The following IMMP2L variants were observed in gnomAD, a reference collection of about 807,000 sequenced individuals.
IMMP2L encodes the protein inner mitochondrial membrane peptidase subunit 2, also known as mitochondrial inner membrane protease subunit 2.
IMMP2L carries 18 observed loss-of-function variants against 19.3 expected under a neutral mutation model. The observed-to-expected ratio is 0.93, with a 90% confidence interval of 0.64 to 1.38. IMMP2L has a LOEUF of 1.38. IMMP2L is among the 40% of genes most tolerant of loss of function. The pLI, the probability that IMMP2L is intolerant of heterozygous loss-of-function variation, is 0.00. For synonymous variants in IMMP2L, 76 were observed against 73.0 expected, an observed-to-expected ratio of 1.04 and a Z score of -0.21; for missense variants, 233 against 218.2, an observed-to-expected ratio of 1.07 and a Z score of -0.43.
At chr7:111,273,506 C>T (rs1333797771) in intron 3 of IMMP2L, among the ~76,000 whole-genome samples, 1 of 151,802 alleles carries the variant, frequency 6.6e-6, no homozygotes, top group Non-Finnish European at 1.5e-5. Context: ...AGGAAGTGGC[C>T]GGATATAGAA....
intron 3 of IMMP2L, among the ~76,000 whole-genome samples, chr7:111,389,418 T>C (rs1832115539): frequency 6.6e-6 from 1 of 152,184 alleles, no homozygotes; most frequent in Non-Finnish European, 1.5e-5. Context: ...TCAATACTAG[T>C]TTCCTATTTT....
At chr7:111,115,770 C>G (rs890045985) in intron 3 of IMMP2L, among the ~76,000 whole-genome samples, 3 of 152,100 alleles carry the variant, frequency 2.0e-5, no homozygotes, top group Non-Finnish European at 4.4e-5. Flanking sequence ...CAGGTTCCAG[C>G]GATTCTCGTG....
chr7:111,517,638 C>T (rs748019036), intron 2 of IMMP2L, among the ~76,000 whole-genome samples: 12 of 152,094 alleles, frequency 7.9e-5, no homozygotes, highest in Non-Finnish European at 1.3e-4. Context: ...CACCCTTTTA[C>T]GCTAAAAGCC....
intron 3 of IMMP2L, among the ~76,000 whole-genome samples, chr7:111,286,310 G>A (rs557371185): frequency 2.0e-5 from 3 of 152,154 alleles, no homozygotes; most frequent in South Asian, 4.2e-4. Context: ...TTCTCCTATG[G>A]TTGTTCATAA....
At chr7:111,378,941 T>C (rs1830940233) in intron 3 of IMMP2L, among the ~76,000 whole-genome samples, 2 of 151,810 alleles carry the variant, frequency 1.3e-5, no homozygotes, top group Non-Finnish European at 2.9e-5. Context: ...AGGTATACAA[T>C]TCCATAAGAA....
At chr7:111,330,018 C>T (rs1365508057) in intron 3 of IMMP2L, among the ~76,000 whole-genome samples, 2 of 151,628 alleles carry the variant, frequency 1.3e-5, no homozygotes, top group Non-Finnish European at 2.9e-5. Flanking sequence ...CCATAACACT[C>T]AAAACTAATA....
chr7:111,507,728 T>A (rs1002380591), intron 2 of IMMP2L, among the ~76,000 whole-genome samples: 6 of 152,176 alleles, frequency 3.9e-5, no homozygotes, highest in Non-Finnish European at 7.4e-5. Flanking sequence ...CAAAACTATA[T>A]GTCTAAAAAG....
chr7:110,682,564 T>C (rs1792800953), intron 5 of IMMP2L, among the ~76,000 whole-genome samples: 1 of 151,922 alleles, frequency 6.6e-6, no homozygotes. Context: ...AAGAACAAGG[T>C]GATGGGGGGA....
chr7:110,664,239 A>C (rs1400939233), intron 5 of IMMP2L, among the ~76,000 whole-genome samples: 1 of 152,036 alleles, frequency 6.6e-6, no homozygotes, highest in Non-Finnish European at 1.5e-5. Context: ...AGTCCTAAAA[A>C]ATATATATAT....
intron 3 of IMMP2L, among the ~76,000 whole-genome samples, chr7:111,267,673 TA>T (rs1357194407): frequency 3.3e-5 from 5 of 152,184 alleles, no homozygotes; most frequent in Non-Finnish European, 7.3e-5. Flanking sequence ...ATAGACTTAA[TA>T]GGGGTAATAT....
chr7:111,196,508 T>C (rs1375130722), intron 3 of IMMP2L, among the ~76,000 whole-genome samples: 1 of 152,176 alleles, frequency 6.6e-6, no homozygotes, highest in African/African-American at 2.4e-5. Flanking sequence ...AAAAAGATTA[T>C]GGAGGACACT....
intron 5 of IMMP2L, among the ~76,000 whole-genome samples, chr7:110,810,433 G>A (rs1801959502): frequency 6.6e-6 from 1 of 151,952 alleles, no homozygotes; most frequent in South Asian, 2.1e-4. Flanking sequence ...AATATACTGG[G>A]GGCATAAGAC....
At chr7:111,218,158 T>G (rs1164796956) in intron 3 of IMMP2L, among the ~76,000 whole-genome samples, 1 of 152,128 alleles carries the variant, frequency 6.6e-6, no homozygotes, top group South Asian at 2.1e-4. Flanking sequence ...ATTTATGGTC[T>G]TAGTAAACAA....
chr7:111,220,433 A>G (rs1429213339), intron 3 of IMMP2L, among the ~76,000 whole-genome samples: 1 of 152,038 alleles, frequency 6.6e-6, no homozygotes, highest in Admixed American at 6.6e-5. Flanking sequence ...TGGAGGCATA[A>G]AAGCTAGATT....
chr7:111,157,426 C>CACATGGTTGCAATG (rs1366258298), intron 3 of IMMP2L, among the ~76,000 whole-genome samples: 1 of 151,982 alleles, frequency 6.6e-6, no homozygotes. Flanking sequence ...CATTTGCAAC[C>CACATGGTTGCAATG]ACATGGATGG....
chr7:111,359,838 G>A (rs1829093535), intron 3 of IMMP2L, among the ~76,000 whole-genome samples: 1 of 152,104 alleles, frequency 6.6e-6, no homozygotes, highest in Non-Finnish European at 1.5e-5. Context: ...GGAAATAAAT[G>A]CAAGAAGTAG....
chr7:111,469,895 G>A (rs1350513129), intron 3 of IMMP2L, among the ~76,000 whole-genome samples: 1 of 152,028 alleles, frequency 6.6e-6, no homozygotes, highest in Non-Finnish European at 1.5e-5. Context: ...AAACTAAAGA[G>A]CTTCTGCACA....
chr7:110,663,837 T>G, intron 5 of IMMP2L, 116 bp from the exon 6 acceptor site: 1 of 640,696 alleles, frequency 1.6e-6, no homozygotes, highest in Middle Eastern at 3.1e-4. Flanking sequence ...GAAGTGATGA[T>G]GAATAAAAAA....
At chr7:111,016,731 A>AT (rs1491339036) in intron 3 of IMMP2L, among the ~76,000 whole-genome samples, 123 of 98,150 alleles carry the variant, frequency 1.3e-3, no homozygotes, top group African/African-American at 4.3e-3. Flanking sequence ...TATATATAAA[A>AT]TATATATATT....
Sources: gnomAD v4.1 joint callset for allele counts (sites outside exome capture counted in the v4.1 genomes callset) on GRCh38, gnomAD v4.1.1 for gene constraint, MANE v1.5 for transcripts, NCBI Gene and HGNC (gene_info 2026-07-23, HGNC 2026-07-21) for gene names.